The following RALYL variants were observed in gnomAD, a reference collection of about 807,000 sequenced individuals.
RALYL encodes RALY RNA binding protein like, also known as RNA-binding Raly-like protein.
In RALYL, 29 loss-of-function variants were observed where a neutral mutation model predicts 35.1. The observed-to-expected ratio is 0.83, with a 90% CI of 0.61 to 1.13. The LOEUF is 1.13. Ranked by LOEUF, RALYL falls within the 50% of genes most tolerant of loss-of-function variation. The pLI is 0.00. For synonymous variants in RALYL, 120 were observed against 127.6 expected (o/e 0.94, Z 0.40); for missense variants, 359 against 360.4 (o/e 1.00, Z 0.03).
intron 1 of RALYL, among the ~76,000 whole-genome samples, chr8:84,395,514 C>T (rs1368305812): frequency 1.3e-5 from 2 of 151,824 alleles, no homozygotes; most frequent in Non-Finnish European, 3.0e-5. Context: ...TCAGTGTAAT[C>T]TGTAAATGAT....
chr8:84,758,804 G>A (rs1425481690), intron 2 of RALYL, among the ~76,000 whole-genome samples: 1 of 152,140 alleles, frequency 6.6e-6, no homozygotes, highest in Non-Finnish European at 1.5e-5. Context: ...CTTAAGTGGA[G>A]GTAGTTAAGT....
chr8:84,378,485 T>C (rs1857351441), intron 1 of RALYL, among the ~76,000 whole-genome samples: 1 of 151,906 alleles, frequency 6.6e-6, no homozygotes, highest in Non-Finnish European at 1.5e-5. Context: ...TATATGTACA[T>C]TTAAAGTTCA....
intron 1 of RALYL, among the ~76,000 whole-genome samples, chr8:84,325,406 C>T (rs5009140): frequency 0.047 from 7,217 of 152,246 alleles, 265 homozygotes; most frequent in African/African-American, 0.083. Flanking sequence ...TAAAATTTGC[C>T]AAACTCAGTT....
At chr8:84,569,583 C>A (rs1181277832) in intron 2 of RALYL, among the ~76,000 whole-genome samples, 1 of 151,684 alleles carries the variant, frequency 6.6e-6, no homozygotes, top group Non-Finnish European at 1.5e-5. Context: ...AGACACTTTC[C>A]AGTTTAATTA....
At chr8:84,533,416 A>G (rs140623700) in intron 2 of RALYL, among the ~76,000 whole-genome samples, 6 of 152,332 alleles carry the variant, frequency 3.9e-5, no homozygotes, top group African/African-American at 1.4e-4. Context: ...AAGACTAGAC[A>G]GTGCCAATTT....
chr8:84,428,100 T>TCACACA (rs1307984367), intron 1 of RALYL, among the ~76,000 whole-genome samples: 1 of 134,790 alleles, frequency 7.4e-6, no homozygotes, highest in African/African-American at 2.9e-5. Flanking sequence ...TCTCTCTCTC[T>TCACACA]CTCTCTCACA....
intron 4 of RALYL, among the ~76,000 whole-genome samples, chr8:84,814,561 G>T (rs1340039645): frequency 1.3e-5 from 2 of 152,046 alleles, no homozygotes; most frequent in Non-Finnish European, 2.9e-5. Flanking sequence ...CTGGATAAAT[G>T]TGCTGTACTA....
At chr8:84,505,258 T>A (rs926451157) in intron 1 of RALYL, among the ~76,000 whole-genome samples, 1 of 152,170 alleles carries the variant, frequency 6.6e-6, no homozygotes. Flanking sequence ...CCAGAAACAT[T>A]TTCCTTATGT....
chr8:84,504,440 G>A (rs887858047), intron 1 of RALYL, among the ~76,000 whole-genome samples: 3 of 152,056 alleles, frequency 2.0e-5, no homozygotes, highest in Admixed American at 1.3e-4. Context: ...CATTTTGACT[G>A]TGCATATAAC....
chr8:84,236,909 G>A (rs770171418), intron 1 of RALYL, among the ~76,000 whole-genome samples: 1 of 152,048 alleles, frequency 6.6e-6, no homozygotes, highest in Non-Finnish European at 1.5e-5. Context: ...GAAATAATAT[G>A]GTGTAGTATA....
At chr8:84,908,230 T>C (rs1846866229) in intron 8 of RALYL, among the ~76,000 whole-genome samples, 1 of 152,190 alleles carries the variant, frequency 6.6e-6, no homozygotes, top group South Asian at 2.1e-4. Context: ...TGAAATTTAC[T>C]ATCTTAGCAA....
chr8:84,623,940 G>A (rs761515209), intron 2 of RALYL, among the ~76,000 whole-genome samples: 1 of 152,186 alleles, frequency 6.6e-6, no homozygotes, highest in Non-Finnish European at 1.5e-5. Flanking sequence ...TGGTAGGTCT[G>A]ATAGTGGGAG....
chr8:84,212,935 T>A (rs1445776794), intron 1 of RALYL, among the ~76,000 whole-genome samples: 1 of 152,096 alleles, frequency 6.6e-6, no homozygotes, highest in Non-Finnish European at 1.5e-5. Context: ...TAAAAAGTTA[T>A]CTCCTTACAT....
At chr8:84,346,839 A>G (rs1849924527) in intron 1 of RALYL, among the ~76,000 whole-genome samples, 2 of 152,112 alleles carry the variant, frequency 1.3e-5, no homozygotes, top group South Asian at 4.1e-4. Context: ...ATGTCAAAAT[A>G]CTTAAGACCA....
At chr8:84,649,413 G>A (rs933483923) in intron 2 of RALYL, among the ~76,000 whole-genome samples, 1 of 151,502 alleles carries the variant, frequency 6.6e-6, no homozygotes, top group Non-Finnish European at 1.5e-5. Context: ...TATGGTTTTA[G>A]GTCTAACGTT....
chr8:84,674,184 T>G (rs181008932), intron 2 of RALYL, among the ~76,000 whole-genome samples: 1 of 152,286 alleles, frequency 6.6e-6, no homozygotes, highest in Non-Finnish European at 1.5e-5. Context: ...TTGACTGTTG[T>G]TGGTGTATAA....
intron 5 of RALYL, among the ~76,000 whole-genome samples, chr8:84,861,934 C>G (rs750152750): frequency 5.9e-5 from 9 of 152,128 alleles, no homozygotes; most frequent in Admixed American, 6.6e-5. Context: ...TATTTCTGTT[C>G]ATAAGAAGTG....
intron 6 of RALYL, chr8:84,872,656 C>G (rs1840414412): frequency 6.6e-6 from 1 of 152,138 alleles, no homozygotes; most frequent in Non-Finnish European, 1.5e-5. Context: ...TTGAAATTAT[C>G]AGTGAGAACT....
intron 1 of RALYL, among the ~76,000 whole-genome samples, chr8:84,400,061 A>T (rs2042735714): frequency 6.6e-6 from 1 of 152,126 alleles, no homozygotes. Flanking sequence ...GGTTGCAGTG[A>T]GTCAAGATCG....
Sources: gnomAD v4.1 joint callset for allele counts (sites outside exome capture counted in the v4.1 genomes callset) on GRCh38, gnomAD v4.1.1 for gene constraint, MANE v1.5 for transcripts, NCBI Gene and HGNC (gene_info 2026-07-23, HGNC 2026-07-21) for gene names.